Variants in RGS12 observed in about 807,000 individuals in gnomAD.
The protein encoded by RGS12 is regulator of G-protein signaling 12.
A neutral mutation model predicts 120.1 loss-of-function variants in RGS12; 66 were observed. That is an observed-to-expected ratio of 0.55 (90% CI 0.45 to 0.67). The LOEUF (loss-of-function observed/expected upper bound fraction) is 0.67. RGS12 is among the 30% of genes least tolerant of loss of function. RGS12 has a pLI of 0.00. For synonymous variants in RGS12, 827 were observed against 804.7 expected, an observed-to-expected ratio of 1.03 and a Z score of -0.47; for missense variants, 1,859 against 1,957.7, an observed-to-expected ratio of 0.95 and a Z score of 0.95.
intron 17 of RGS12, among the ~76,000 whole-genome samples, chr4:3,432,751 C>T (rs985316533): frequency 2.0e-5 from 3 of 152,252 alleles, no homozygotes; most frequent in African/African-American, 7.2e-5. Context: ...TTCCCCGCCC[C>T]GCTGGCTCCT....
rs1560101490 is a variant in RGS12, at chr4:3,343,164, T to TCCC, written c.1998+113_1998+114insCCC. 7 of 707,560 alleles carry TCCC rather than the reference T, an allele frequency of 9.9e-6. 1 individual carries two copies. Among genetic ancestry groups the TCCC allele is most frequent in the East Asian group, 5.4e-5 (2 of 37,190 alleles). The allele number at this position is 707,560 out of a possible 1,614,324, so 43.8% of individuals were successfully genotyped here. On this transcript the variant is annotated intron_variant, in intron 3 of 17. Transcript: ENST00000336727. ...GAGTCCCTGTGGTCCCCTCCCCTCC[T>TCCC]CCTCTGTAGTGGTAACCCCTGTTTT...
At position 3,381,798 on chromosome 4, in the gene RGS12, A is replaced by G. The variant is rs185842242; in HGVS notation, c.1999-4618A>G. Among the ~76,000 whole-genome samples the G allele has an allele frequency of 1.0e-3, 155 of 152,350 alleles. 1 individual carries two copies. Among genetic ancestry groups the G allele is most frequent in the African/African-American group, 3.6e-3 (149 of 41,582 alleles). ...CTGGACATCAAACTGCTGTCCTCCA[A>G]GTTTTCATACTTTCAGAGAAATTGG... On this transcript the variant is annotated intron_variant, in intron 3 of 17. Transcript: ENST00000336727.
chr4:3,351,401 GT>G (rs916301956), intron 3 of RGS12, among the ~76,000 whole-genome samples: 15 of 148,380 alleles, frequency 1.0e-4, no homozygotes, highest in East Asian at 3.9e-4. Flanking sequence ...CATTTATAAA[GT>G]TTTTTTTTTA....
At chr4:3,343,085 C>T in intron 3 of RGS12, 32 bp downstream of exon 3, 6 of 1,529,486 alleles carry the variant, frequency 3.9e-6, no homozygotes, top group Non-Finnish European at 5.4e-6. Context: ...TTCTTTTCTC[C>T]TTCAAGTTTT....
At position 3,429,146 on chromosome 4, in the gene RGS12, C is replaced by T. The variant is rs182528925; in HGVS notation, c.3565+435C>T. Among the ~76,000 whole-genome samples, 65 of 152,302 alleles carry T rather than the reference C, an allele frequency of 4.3e-4. 1 individual carries two copies. The East Asian group carries it at 0.011, about 26-fold the overall frequency. Reference sequence around the variant, plus strand: ...GTGGAGCACACTGGTCTGGAAGGACCGTGGGCTTGCTGAGCTCTCTTGGCT... The same window carrying T: ...GTGGAGCACACTGGTCTGGAAGGACTGTGGGCTTGCTGAGCTCTCTTGGCT... On this transcript the variant is annotated intron_variant, in intron 16 of 17. Coordinates refer to ENST00000336727, the MANE Select transcript of RGS12 (RefSeq NM_001394154.1).
chr4:3,347,657 C>A (rs1713949677), intron 3 of RGS12, among the ~76,000 whole-genome samples: 1 of 152,146 alleles, frequency 6.6e-6, no homozygotes, highest in South Asian at 2.1e-4. Flanking sequence ...GTCTGTCGAT[C>A]TTAAAGTTAT....
At position 3,417,444 on chromosome 4, in the gene RGS12, C is replaced by T; in HGVS notation, c.2664C>T (p.Asp888=). ...TGAATGAAGAGCTGGGGGATGAGGA[C>T]AGCGAGAAGAAGCGGAAAGGCGCGT... ...RSLNEELGDE[D]SEKKRKGAFF... Residue 888 remains aspartate, a synonymous_variant, in exon 9 of 18, where the codon GAC becomes GAT. Coordinates refer to ENST00000336727, the MANE Select transcript of RGS12 (RefSeq NM_001394154.1). The T allele has an allele frequency of 4.3e-6, 7 of 1,611,124 alleles. No individual in the cohort carries two copies. Among genetic ancestry groups the T allele is most frequent in the Non-Finnish European group, 5.9e-6 (7 of 1,178,256 alleles).
At chr4:3,401,041 T>A (rs1469323447) in intron 4 of RGS12, among the ~76,000 whole-genome samples, 1 of 152,128 alleles carries the variant, frequency 6.6e-6, no homozygotes, top group Non-Finnish European at 1.5e-5. Context: ...ATCTAACTAT[T>A]ATACAAAACC....
At position 3,321,746 on chromosome 4, in the gene RGS12, C is replaced by T. The variant is rs1011868497; in HGVS notation, c.1881+3695C>T. On this transcript the variant is annotated intron_variant, in intron 2 of 17. Coordinates refer to ENST00000336727, the MANE Select transcript of RGS12 (RefSeq NM_001394154.1). ...TGGACTGCAGGCATGTGGTGTCCAGCGCGCTCTGAGGCCCAGGCCTGGGCA... is the reference window on the plus strand; with the variant it reads ...TGGACTGCAGGCATGTGGTGTCCAGTGCGCTCTGAGGCCCAGGCCTGGGCA... Among the ~76,000 whole-genome samples the T allele has an allele frequency of 6.6e-5, 10 of 152,264 alleles. No individual in the cohort carries two copies. The Middle Eastern group carries it at 0.017, about 259-fold the overall frequency.
chr4:3,297,518 C>CA (rs1280592726), intron 1 of RGS12, among the ~76,000 whole-genome samples: 10 of 152,212 alleles, frequency 6.6e-5, no homozygotes, highest in African/African-American at 2.4e-4. Context: ...ATCATAATCA[C>CA]TGCATTTTTG....
At chr4:3,439,402 G>C in intron 17 of RGS12, 53 bp from the exon 18 acceptor site, 1 of 1,580,770 alleles carries the variant, frequency 6.3e-7, no homozygotes, top group South Asian at 1.1e-5. Flanking sequence ...GGTGGGTTCC[G>C]GGGGCCCAGG....
chr4:3,411,066 C>T (rs1189929453), intron 4 of RGS12, among the ~76,000 whole-genome samples: 2 of 152,216 alleles, frequency 1.3e-5, no homozygotes, highest in Non-Finnish European at 2.9e-5. Context: ...GCTTTCCTCA[C>T]TCCAATGTTT....
At chr4:3,403,235 G>A (rs1720780167) in intron 4 of RGS12, among the ~76,000 whole-genome samples, 2 of 152,204 alleles carry the variant, frequency 1.3e-5, no homozygotes, top group South Asian at 4.1e-4. Flanking sequence ...CACGTTTCTA[G>A]TACTGACTCC....
intron 4 of RGS12, among the ~76,000 whole-genome samples, chr4:3,397,750 G>A (rs1299458463): frequency 6.6e-6 from 1 of 152,218 alleles, no homozygotes; most frequent in Non-Finnish European, 1.5e-5. Context: ...AAGTGGTTGG[G>A]CTTGAAAATA....
chr4:3,408,042 C>T (rs1721346974), intron 4 of RGS12, among the ~76,000 whole-genome samples: 1 of 152,174 alleles, frequency 6.6e-6, no homozygotes, highest in Admixed American at 6.5e-5. Flanking sequence ...GGGATGTGGG[C>T]TGTGTTTTGT....
intron 10 of RGS12, 24 bp downstream of exon 10, chr4:3,420,742 C>A: frequency 6.3e-7 from 1 of 1,599,630 alleles, no homozygotes; most frequent in Non-Finnish European, 8.5e-7. Flanking sequence ...TCCCCTCGTC[C>A]CACAGGCCTC....
chr4:3,344,584 C>T (rs913858088), intron 3 of RGS12, among the ~76,000 whole-genome samples: 2 of 152,246 alleles, frequency 1.3e-5, no homozygotes, highest in African/African-American at 4.8e-5. Context: ...ACGTGCTCTG[C>T]ACAACCTGCC....
intron 1 of RGS12, among the ~76,000 whole-genome samples, chr4:3,296,449 C>G (rs1024927694): frequency 3.3e-5 from 5 of 152,020 alleles, no homozygotes; most frequent in African/African-American, 7.2e-5. Flanking sequence ...CTTAGCTTCT[C>G]AAAGGGTTGG....
In RGS12 at chr4:3,437,954, C is replaced by T. The variant is rs74896603; in HGVS notation, c.4115-1501C>T. ...CTTGGACTGAGGGTGAGGAGGGGCA[C>T]GCTGGGATTGGGGACCTTGGTGGCC... On this transcript the variant is annotated intron_variant, in intron 17 of 17. Coordinates refer to ENST00000336727, the MANE Select transcript of RGS12 (RefSeq NM_001394154.1). Among the ~76,000 whole-genome samples the T allele has an allele frequency of 6.0e-3, 913 of 152,216 alleles. 18 individuals carry two copies. The East Asian group carries it at 0.065, about 11-fold the overall frequency.
Sources: gnomAD v4.1 joint callset for allele counts (sites outside exome capture counted in the v4.1 genomes callset) on GRCh38, gnomAD v4.1.1 for gene constraint, MANE v1.5 for transcripts, NCBI Gene and HGNC (gene_info 2026-07-23, HGNC 2026-07-21) for gene names.